The following KCNT2 variants were observed in gnomAD, a reference collection of about 807,000 sequenced individuals.
The protein encoded by KCNT2 is potassium sodium-activated channel subfamily T member 2.
KCNT2 carries 67 observed loss-of-function variants against 153.8 expected under a neutral mutation model. That is an observed-to-expected ratio of 0.44 (90% CI 0.36 to 0.53). The LOEUF (loss-of-function observed/expected upper bound fraction) is 0.53. KCNT2 is among the 20% of genes least tolerant of loss of function. The pLI is 0.00. For missense variants in KCNT2, 975 were observed against 1,354.8 expected, an observed-to-expected ratio of 0.72 and a Z score of 4.40; for synonymous variants, 500 against 458.8, an observed-to-expected ratio of 1.09 and a Z score of -1.15.
At chr1:196,548,618 C>G (rs1436278925) in intron 1 of KCNT2, among the ~76,000 whole-genome samples, 1 of 152,012 alleles carries the variant, frequency 6.6e-6, no homozygotes, top group African/African-American at 2.4e-5. Context: ...GGATCTAGAA[C>G]TAGAAATACC....
chr1:196,487,137 C>A (rs1419916553), intron 3 of KCNT2, among the ~76,000 whole-genome samples: 2 of 151,780 alleles, frequency 1.3e-5, no homozygotes, highest in East Asian at 1.9e-4. Flanking sequence ...GGCATAGAGT[C>A]GAGTGCAAAA....
Position 196,425,999 on chromosome 1 carries a change from C to A in KCNT2, c.985-11G>T. Reference sequence around the variant, plus strand: ...CACCACATAATAATCCTATTCAAAACAAAATGGGCAATGGAATAGAAACAA... The same window carrying A: ...CACCACATAATAATCCTATTCAAAAAAAAATGGGCAATGGAATAGAAACAA... On this transcript the variant is annotated splice_polypyrimidine_tract_variant and intron_variant, in intron 10 of 27. Transcript: ENST00000294725. 1 of 1,608,060 alleles carries A rather than the reference C, an allele frequency of 6.2e-7. No homozygotes were observed. Among genetic ancestry groups the A allele is most frequent in the South Asian group, 1.1e-5 (1 of 90,572 alleles).
chr1:196,259,342 C>G (rs1443420817), intron 25 of KCNT2, among the ~76,000 whole-genome samples: 4 of 152,034 alleles, frequency 2.6e-5, no homozygotes, highest in Non-Finnish European at 5.9e-5. Flanking sequence ...ATAAGCAATA[C>G]TTACTGTTTC....
In KCNT2 at chr1:196,327,023, T is replaced by C. The variant is rs369180306; in HGVS notation, c.2104-134A>G. 2.8e-4 allele frequency: 159 copies of C among 574,388 alleles called. No individual in the cohort carries two copies. In the South Asian group the frequency reaches 3.9e-3, roughly 14 times the overall value. The allele number at this position is 574,388 out of a possible 1,614,324, so 35.6% of individuals were successfully genotyped here. A position where few individuals can be genotyped will look rare whatever the true frequency, so the allele number is the denominator to read the frequency against. ...TATTTTCTAATAAATTTGAAAATAG[T>C]TACATTTTTCTGTGCCCATTTCTGC... On this transcript the variant is annotated intron_variant, in intron 18 of 27. Coordinates refer to ENST00000294725, the MANE Select transcript of KCNT2 (RefSeq NM_198503.5).
At chr1:196,349,981 G>C (rs1004860980) in intron 14 of KCNT2, among the ~76,000 whole-genome samples, 1 of 151,982 alleles carries the variant, frequency 6.6e-6, no homozygotes, top group African/African-American at 2.4e-5. Flanking sequence ...CCTTGCGATA[G>C]TTTACTGAGA....
chr1:196,426,159 A>G (rs560721980), intron 10 of KCNT2, among the ~76,000 whole-genome samples, 171 bp from the exon 11 acceptor site: 1 of 152,226 alleles, frequency 6.6e-6, no homozygotes, highest in African/African-American at 2.4e-5. Flanking sequence ...CAATTACACT[A>G]TAATAAATAC....
At position 196,276,287 on chromosome 1, in the gene KCNT2, C is replaced by G. The variant is rs556870168; in HGVS notation, c.2910+4573G>C. 2.0e-5 allele frequency among the ~76,000 whole-genome samples: 3 copies of G among 152,116 alleles called. No homozygotes were observed. In the East Asian group the frequency reaches 5.8e-4, roughly 29 times the overall value. On this transcript the variant is annotated intron_variant, in intron 25 of 27. Transcript: ENST00000294725. Reference sequence around the variant, plus strand: ...GATATATAGGTATGTGGTTAGTATTCATTTCCTGCACACATTCTTTCATTG... The same window carrying G: ...GATATATAGGTATGTGGTTAGTATTGATTTCCTGCACACATTCTTTCATTG...
intron 1 of KCNT2, among the ~76,000 whole-genome samples, chr1:196,536,418 G>T (rs996884032): frequency 3.3e-5 from 5 of 152,330 alleles, no homozygotes; most frequent in East Asian, 1.9e-4. Flanking sequence ...TTTGAGTTCA[G>T]CCCATTGAGC....
At chr1:196,347,286 C>A (rs1666223885) in intron 14 of KCNT2, among the ~76,000 whole-genome samples, 1 of 152,136 alleles carries the variant, frequency 6.6e-6, no homozygotes, top group African/African-American at 2.4e-5. Context: ...TCCCAATTTT[C>A]TATTTTTCTT....
intron 8 of KCNT2, among the ~76,000 whole-genome samples, chr1:196,430,128 A>T (rs1215934302): frequency 1.3e-5 from 2 of 151,844 alleles, no homozygotes; most frequent in Non-Finnish European, 2.9e-5. Flanking sequence ...TTTTTTTATA[A>T]TTTTTTTGAG....
chr1:196,533,846 G>T (rs1655235115), intron 1 of KCNT2, among the ~76,000 whole-genome samples: 1 of 152,024 alleles, frequency 6.6e-6, no homozygotes, highest in African/African-American at 2.4e-5. Context: ...TGGAATAAGT[G>T]CTCTGAATGG....
chr1:196,424,861 C>T (rs928279265), intron 11 of KCNT2, among the ~76,000 whole-genome samples: 10 of 150,922 alleles, frequency 6.6e-5, no homozygotes, highest in African/African-American at 2.2e-4. Flanking sequence ...TTTCCAACAC[C>T]CACTAGACAG....
At chr1:196,588,451 A>T (rs1019920500) in intron 1 of KCNT2, among the ~76,000 whole-genome samples, 3 of 152,062 alleles carry the variant, frequency 2.0e-5, no homozygotes, top group Non-Finnish European at 2.9e-5. Flanking sequence ...TGTTTCCTTT[A>T]CTTTCCTTAC....
chr1:196,445,007 G>T (rs1316736397), intron 8 of KCNT2, among the ~76,000 whole-genome samples: 1 of 151,262 alleles, frequency 6.6e-6, no homozygotes, highest in East Asian at 2.0e-4. Context: ...TAAGTTGTGA[G>T]CCCTTTATTC....
At chr1:196,238,911 T>C (rs1459619890) in intron 26 of KCNT2, among the ~76,000 whole-genome samples, 1 of 151,972 alleles carries the variant, frequency 6.6e-6, no homozygotes, top group Non-Finnish European at 1.5e-5. Flanking sequence ...CAACAATAGT[T>C]TCTATTAGCC....
intron 1 of KCNT2, among the ~76,000 whole-genome samples, chr1:196,580,378 G>A (rs771386343): frequency 3.9e-5 from 6 of 152,208 alleles, no homozygotes; most frequent in South Asian, 2.1e-4. Flanking sequence ...AGAGAACCAC[G>A]GAGGATCTGA....
At chr1:196,424,522 C>T (rs1186428737) in intron 11 of KCNT2, among the ~76,000 whole-genome samples, 1 of 151,796 alleles carries the variant, frequency 6.6e-6, no homozygotes, top group Non-Finnish European at 1.5e-5. Flanking sequence ...ACCTGAGGTG[C>T]TGGGAAAATC....
rs78921200 is a variant in KCNT2, at chr1:196,353,832, A to T, written c.1404-11604T>A. On this transcript the variant is annotated intron_variant, in intron 14 of 27. Transcript: ENST00000294725. ...TGAATGCAGTAAAAGAACCTTATAT[A>T]GTTTTGTTTTTAAGAGTTTCCCCAC... Among the ~76,000 whole-genome samples, 10 of 152,046 alleles carry T rather than the reference A, an allele frequency of 6.6e-5. No homozygotes were observed. In the East Asian group the frequency reaches 1.9e-3, roughly 29 times the overall value.
chr1:196,283,498 A>G (rs752274834), intron 23 of KCNT2, among the ~76,000 whole-genome samples: 1 of 152,148 alleles, frequency 6.6e-6, no homozygotes, highest in Non-Finnish European at 1.5e-5. Flanking sequence ...AAATAGAATC[A>G]TTGCATTTCC....
Sources: allele counts gnomAD v4.1 joint callset (sites outside exome capture counted in the v4.1 genomes callset), GRCh38; gene constraint gnomAD v4.1.1; transcripts MANE v1.5; gene names NCBI Gene and HGNC (gene_info 2026-07-23, HGNC 2026-07-21).